ITPR2: variants seen among roughly 807,000 people sequenced by gnomAD.
The protein encoded by ITPR2 is inositol 1,4,5-trisphosphate receptor type 2.
Under a neutral mutation model 317.1 loss-of-function variants are expected in ITPR2, and 207 were observed. The observed-to-expected ratio is 0.65, with a 90% CI of 0.58 to 0.73. The LOEUF is 0.73. Ranked by LOEUF, ITPR2 falls within the 30% of genes least tolerant of loss-of-function variation. The pLI is 0.00. For missense variants in ITPR2, 2,613 were observed against 3,284.0 expected, an observed-to-expected ratio of 0.80 and a Z score of 4.99; for synonymous variants, 1,156 against 1,149.1, an observed-to-expected ratio of 1.01 and a Z score of -0.12.
At chr12:26,671,854 G>T (rs1428753377) in intron 13 of ITPR2, among the ~76,000 whole-genome samples, 1 of 152,122 alleles carries the variant, frequency 6.6e-6, no homozygotes, top group African/African-American at 2.4e-5. Flanking sequence ...GATGGAGGAA[G>T]ATCTACCAAG....
intron 37 of ITPR2, among the ~76,000 whole-genome samples, chr12:26,500,387 T>C (rs1168534117): frequency 6.6e-6 from 1 of 152,200 alleles, no homozygotes; most frequent in African/African-American, 2.4e-5. Context: ...GTTGAGAAGT[T>C]TGACTTCTGT....
chr12:26,515,767 A>G (rs1187674097), intron 37 of ITPR2, among the ~76,000 whole-genome samples: 4 of 151,952 alleles, frequency 2.6e-5, no homozygotes, highest in Admixed American at 2.6e-4. Flanking sequence ...GCCGCAGTTC[A>G]TATTTGTATC....
chr12:26,407,634 A>G (rs1940395496), intron 52 of ITPR2, among the ~76,000 whole-genome samples: 1 of 152,246 alleles, frequency 6.6e-6, no homozygotes, highest in Non-Finnish European at 1.5e-5. Context: ...AATGATCTCA[A>G]ATTTTGGTTA....
At chr12:26,619,540 T>G (rs11048620) in intron 26 of ITPR2, among the ~76,000 whole-genome samples, 9,608 of 152,178 alleles carry the variant, frequency 0.063, 417 homozygotes, top group Middle Eastern at 0.14. Context: ...AGGTGAGGGA[T>G]GTCTAGGAAA....
intron 2 of ITPR2, among the ~76,000 whole-genome samples, chr12:26,759,298 A>C (rs1949586834): frequency 6.6e-6 from 1 of 152,220 alleles, no homozygotes; most frequent in Non-Finnish European, 1.5e-5. Flanking sequence ...ATTTCAAAGC[A>C]AATTCAAATG....
At chr12:26,605,773 TAGCAGTCAACAAA>T (rs1188049787) in intron 26 of ITPR2, among the ~76,000 whole-genome samples, 1 of 152,206 alleles carries the variant, frequency 6.6e-6, no homozygotes, top group Non-Finnish European at 1.5e-5. Flanking sequence ...TTAAAATTGC[TAGCAGTCAACAAA>T]AGGCAGCGAC....
intron 26 of ITPR2, among the ~76,000 whole-genome samples, chr12:26,607,944 C>A (rs887117373): frequency 6.6e-6 from 1 of 151,834 alleles, no homozygotes; most frequent in Admixed American, 6.6e-5. Context: ...ATTAGCCGGG[C>A]GTTTCTACTA....
intron 1 of ITPR2, among the ~76,000 whole-genome samples, chr12:26,814,388 C>T (rs1950812663): frequency 6.6e-6 from 1 of 152,070 alleles, no homozygotes; most frequent in Non-Finnish European, 1.5e-5. Flanking sequence ...AGAAATAAAA[C>T]TAGTGTCTTC....
intron 49 of ITPR2, among the ~76,000 whole-genome samples, chr12:26,425,574 A>G (rs758805167): frequency 2.0e-5 from 3 of 151,620 alleles, no homozygotes; most frequent in Non-Finnish European, 4.4e-5. Flanking sequence ...AGCCTGAGGC[A>G]GGAAAACCGC....
chr12:26,597,185 C>A (rs1417316170), intron 30 of ITPR2, 51 bp from the exon 31 acceptor site: 13 of 1,594,952 alleles, frequency 8.2e-6, no homozygotes, highest in Non-Finnish European at 9.4e-6. Context: ...TTCATCCTTG[C>A]AGTTATTTCC....
intron 55 of ITPR2, among the ~76,000 whole-genome samples, chr12:26,367,395 G>A (rs1939045413): frequency 6.6e-6 from 1 of 152,040 alleles, no homozygotes; most frequent in Non-Finnish European, 1.5e-5. Context: ...TGGCTCACCT[G>A]CATTCCACAT....
intron 36 of ITPR2, among the ~76,000 whole-genome samples, chr12:26,554,437 G>C (rs376856538): frequency 6.6e-6 from 1 of 152,248 alleles, no homozygotes; most frequent in Non-Finnish European, 1.5e-5. Flanking sequence ...GGATCAGACA[G>C]TAAATATTTT....
chr12:26,649,901 C>G (rs1387303392), intron 21 of ITPR2, among the ~76,000 whole-genome samples: 2 of 152,080 alleles, frequency 1.3e-5, no homozygotes, highest in African/African-American at 4.8e-5. Context: ...GACTATTTCT[C>G]CCAATAGGAG....
chr12:26,654,950 TC>T (rs1947338704), intron 20 of ITPR2, among the ~76,000 whole-genome samples: 1 of 152,202 alleles, frequency 6.6e-6, no homozygotes, highest in Non-Finnish European at 1.5e-5. Context: ...GCTAAGCTAT[TC>T]CCAGGTTCCT....
At chr12:26,768,679 T>C (rs528072613) in intron 2 of ITPR2, among the ~76,000 whole-genome samples, 52 of 150,886 alleles carry the variant, frequency 3.4e-4, no homozygotes, top group Middle Eastern at 3.4e-3. Context: ...TTAAAAATTA[T>C]TAAGGACCCA....
intron 9 of ITPR2, among the ~76,000 whole-genome samples, chr12:26,707,371 A>T (rs550922401): frequency 4.2e-4 from 64 of 152,318 alleles, no homozygotes; most frequent in African/African-American, 1.5e-3. Flanking sequence ...AAAACTGAAC[A>T]AGTAAAATAA....
intron 5 of ITPR2, among the ~76,000 whole-genome samples, chr12:26,719,064 T>C (rs148704353): frequency 1.3e-5 from 2 of 152,280 alleles, no homozygotes; most frequent in East Asian, 1.9e-4. Flanking sequence ...TTGACAATGA[T>C]TACCTTGCCT....
rs753293204 is a variant in ITPR2 at position 26,396,584 on chromosome 12, TC to T, written c.7696+2291del. Among the ~76,000 whole-genome samples the T allele has an allele frequency of 1.1e-3, 171 of 152,244 alleles. 1 individual carries two copies. The highest frequency in any genetic ancestry group is 0.01 in the Middle Eastern group (3 of 294). Reference sequence around the variant, plus strand: ...TCCTAAGTCTTCAAAGCTGGGGCTTTCCACTTGTAGTCTCTCTGCTTCTCTT... The same window carrying T: ...TCCTAAGTCTTCAAAGCTGGGGCTTTCACTTGTAGTCTCTCTGCTTCTCTT... On this transcript the variant is annotated intron_variant, in intron 54 of 56. Transcript: ENST00000381340.
chr12:26,438,125 T>G (rs891210605), intron 47 of ITPR2, among the ~76,000 whole-genome samples: 41 of 152,230 alleles, frequency 2.7e-4, no homozygotes, highest in African/African-American at 9.4e-4. Flanking sequence ...TTTTAAATGC[T>G]CCAAATAAAA....
Sources: allele counts gnomAD v4.1 joint callset (sites outside exome capture counted in the v4.1 genomes callset), GRCh38; gene constraint gnomAD v4.1.1; transcripts MANE v1.5; gene names NCBI Gene and HGNC (gene_info 2026-07-23, HGNC 2026-07-21).